The following ARB2A variants were observed in gnomAD, a reference collection of about 807,000 sequenced individuals.
ARB2A encodes ARB2 cotranscriptional regulator A.
the ARB2A span, among the ~76,000 whole-genome samples, chr5:94,032,878 A>G: frequency 2.0e-5 from 3 of 152,302 alleles, no homozygotes; most frequent in Non-Finnish European, 2.9e-5. Context: ...GATAAAGGTT[A>G]GGCTTTGTGT....
the ARB2A span, chr5:93,959,103 C>A: frequency 3.8e-6 from 2 of 532,272 alleles, no homozygotes; most frequent in East Asian, 6.5e-5. Flanking sequence ...ACAATTTTAA[C>A]ACAAAATTAA....
At chr5:94,020,247 G>T in the ARB2A span, among the ~76,000 whole-genome samples, 5 of 151,450 alleles carry the variant, frequency 3.3e-5, no homozygotes, top group African/African-American at 4.9e-5. Context: ...CGGGGCGGGG[G>T]GGGTAACATC....
the ARB2A span, among the ~76,000 whole-genome samples, chr5:93,631,333 G>C: frequency 6.6e-6 from 1 of 152,152 alleles, no homozygotes; most frequent in Non-Finnish European, 1.5e-5. Flanking sequence ...AATATAGACA[G>C]CTGTTATAGA....
At chr5:93,744,434 CAA>C in the ARB2A span, among the ~76,000 whole-genome samples, 8 of 14,528 alleles carry the variant, frequency 5.5e-4, no homozygotes, top group East Asian at 2.6e-3. Flanking sequence ...GACTCAGTCT[CAA>C]AAAAAAAAAA....
chr5:93,882,278 T>C, the ARB2A span, among the ~76,000 whole-genome samples: 1 of 151,410 alleles, frequency 6.6e-6, no homozygotes, highest in African/African-American at 2.4e-5. Context: ...TGAATTTTAT[T>C]CACTTTGTTT....
chr5:93,870,939 G>C, the ARB2A span, among the ~76,000 whole-genome samples: 1 of 152,342 alleles, frequency 6.6e-6, no homozygotes, highest in South Asian at 2.1e-4. Flanking sequence ...ATTGCGTTTA[G>C]AGCTAAAGTA....
At chr5:93,965,046 T>C in the ARB2A span, among the ~76,000 whole-genome samples, 1 of 152,034 alleles carries the variant, frequency 6.6e-6, no homozygotes, top group Non-Finnish European at 1.5e-5. Context: ...TAGATGTCCA[T>C]GTCCTAATTC....
At chr5:93,954,714 G>A in the ARB2A span, among the ~76,000 whole-genome samples, 5 of 152,038 alleles carry the variant, frequency 3.3e-5, no homozygotes, top group African/African-American at 4.8e-5. Flanking sequence ...GCACAGCACA[G>A]CACCAGTACT....
the ARB2A span, among the ~76,000 whole-genome samples, chr5:94,081,001 A>G: frequency 1.3e-5 from 2 of 152,236 alleles, no homozygotes; most frequent in African/African-American, 2.4e-5. Context: ...TTGCAACTCA[A>G]TAATAAAAAA....
the ARB2A span, among the ~76,000 whole-genome samples, chr5:93,717,954 C>T: frequency 6.6e-6 from 1 of 151,652 alleles, no homozygotes; most frequent in Non-Finnish European, 1.5e-5. Context: ...CCTGCCTCAG[C>T]CTCCTGAGTA....
the ARB2A span, among the ~76,000 whole-genome samples, chr5:93,823,177 A>C: frequency 6.6e-6 from 1 of 152,216 alleles, no homozygotes; most frequent in African/African-American, 2.4e-5. Context: ...CTGTAACATA[A>C]GAGATTATGG....
At chr5:94,078,561 G>A in the ARB2A span, among the ~76,000 whole-genome samples, 4 of 152,160 alleles carry the variant, frequency 2.6e-5, no homozygotes, top group African/African-American at 7.2e-5. Context: ...GAGCAGACAC[G>A]AGACAAAGCC....
the ARB2A span, among the ~76,000 whole-genome samples, chr5:93,651,863 A>C: frequency 7.9e-5 from 12 of 152,238 alleles, no homozygotes; most frequent in Non-Finnish European, 1.5e-4. Flanking sequence ...TACAATATTA[A>C]CTCTAAGACT....
the ARB2A span, among the ~76,000 whole-genome samples, chr5:93,995,685 T>C: frequency 6.6e-6 from 1 of 152,144 alleles, no homozygotes; most frequent in African/African-American, 2.4e-5. Flanking sequence ...AAGGGTCAAC[T>C]GCAGTTTGTT....
the ARB2A span, among the ~76,000 whole-genome samples, chr5:94,027,440 A>G: frequency 6.6e-6 from 1 of 152,190 alleles, no homozygotes; most frequent in East Asian, 1.9e-4. Flanking sequence ...TTGATCATCA[A>G]TGGACAATGG....
the ARB2A span, among the ~76,000 whole-genome samples, chr5:93,969,018 CTTT>C: frequency 4.0e-4 from 45 of 113,212 alleles, no homozygotes; most frequent in African/African-American, 1.1e-3. Flanking sequence ...GAATTTTTTT[CTTT>C]TTTTTTTTTT....
chr5:93,876,228 C>T, the ARB2A span, among the ~76,000 whole-genome samples: 1 of 152,074 alleles, frequency 6.6e-6, no homozygotes, highest in Non-Finnish European at 1.5e-5. Flanking sequence ...ATAGGATTAC[C>T]ACTAAATTGA....
chr5:93,868,592 T>C, the ARB2A span, among the ~76,000 whole-genome samples: 17 of 152,182 alleles, frequency 1.1e-4, no homozygotes, highest in African/African-American at 3.4e-4. Context: ...AGATTCCCTA[T>C]AGTAAACAAA....
the ARB2A span, among the ~76,000 whole-genome samples, chr5:94,090,379 C>G: frequency 6.6e-6 from 1 of 152,094 alleles, no homozygotes; most frequent in Non-Finnish European, 1.5e-5. Context: ...GATTTTGTAT[C>G]CTGAGAATTT....
Sources: allele counts gnomAD v4.1 joint callset (sites outside exome capture counted in the v4.1 genomes callset), GRCh38; gene constraint gnomAD v4.1.1; transcripts MANE v1.5; gene names NCBI Gene and HGNC (gene_info 2026-07-23, HGNC 2026-07-21).